The following SRGAP2C variants were observed in gnomAD, a reference collection of about 807,000 sequenced individuals.
The protein encoded by SRGAP2C is SLIT-ROBO Rho GTPase activating protein 2C.
In SRGAP2C, 15 loss-of-function variants were observed where a neutral mutation model predicts 25.1. The observed-to-expected ratio is 0.60, with a 90% CI of 0.40 to 0.92. The LOEUF (loss-of-function observed/expected upper bound fraction) is 0.92. Among genes scored for constraint, SRGAP2C ranks in the 40% least tolerant of loss-of-function variants. The pLI is 0.00. For synonymous variants in SRGAP2C, 44 were observed against 96.6 expected, an observed-to-expected ratio of 0.46 and a Z score of 3.19; for missense variants, 144 against 264.4, an observed-to-expected ratio of 0.54 and a Z score of 3.16.
intron 1 of SRGAP2C, among the ~76,000 whole-genome samples, chr1:121,186,597 C>T (rs1379811251): frequency 6.6e-6 from 1 of 151,704 alleles, no homozygotes; most frequent in Non-Finnish European, 1.5e-5. Flanking sequence ...CTGGCCGCTG[C>T]CCAGCGCTGG....
At chr1:121,266,379 C>T (rs1656780982) in intron 2 of SRGAP2C, among the ~76,000 whole-genome samples, 1 of 151,018 alleles carries the variant, frequency 6.6e-6, no homozygotes, top group African/African-American at 2.4e-5. Flanking sequence ...CCATCTTGGC[C>T]TAAGTGGTGG....
intron 4 of SRGAP2C, among the ~76,000 whole-genome samples, chr1:121,354,985 C>T (rs1483403448): frequency 5.3e-5 from 3 of 56,296 alleles, no homozygotes; most frequent in Non-Finnish European, 7.5e-5. Flanking sequence ...TGCAGTGAGC[C>T]GAGATGGCGC....
At chr1:121,222,750 A>G (rs1655561962) in intron 2 of SRGAP2C, among the ~76,000 whole-genome samples, 1 of 152,320 alleles carries the variant, frequency 6.6e-6, no homozygotes, top group East Asian at 1.9e-4. Flanking sequence ...CTACCATCAG[A>G]CGGGAGTGGC....
At chr1:121,186,383 C>T (rs1290778272) in intron 1 of SRGAP2C, among the ~76,000 whole-genome samples, 1 of 92,576 alleles carries the variant, frequency 1.1e-5, no homozygotes, top group Non-Finnish European at 2.3e-5. Flanking sequence ...GCAGATTTGC[C>T]CCCCCCACCC....
intron 2 of SRGAP2C, among the ~76,000 whole-genome samples, chr1:121,249,576 A>G: frequency 4.6e-5 from 1 of 21,514 alleles, no homozygotes; most frequent in African/African-American, 2.2e-4. Flanking sequence ...ATATATATAT[A>G]TATATTTTTT....
rs1246755408 is a variant in SRGAP2C at position 121,197,036 on chromosome 1, C to A, written c.67+9523C>A. The stretch of plus-strand genomic sequence containing the variant: ...GCTTACATTTTATACTGCCTTACAG[C>A]TGAACTGCCTCTAGTTTCCTTTCTT... On this transcript the variant is annotated intron_variant, in intron 2 of 9. Coordinates refer to ENST00000367123, the MANE Select transcript of SRGAP2C (RefSeq NM_001329984.2). Among the ~76,000 whole-genome samples, 7 of 147,988 alleles carry A rather than the reference C, an allele frequency of 4.7e-5. No individual in the cohort carries two copies. The South Asian group carries it at 1.1e-3, about 23-fold the overall frequency.
intron 2 of SRGAP2C, among the ~76,000 whole-genome samples, chr1:121,188,420 G>T (rs1446037961): frequency 7.3e-5 from 11 of 150,620 alleles, no homozygotes; most frequent in African/African-American, 2.7e-4. Flanking sequence ...CCATAGGAAG[G>T]GTTCCTGCCT....
chr1:121,375,719 C>G (rs1230760545), intron 7 of SRGAP2C, among the ~76,000 whole-genome samples: 1 of 151,208 alleles, frequency 6.6e-6, no homozygotes, highest in African/African-American at 2.4e-5. Context: ...AATGCCATCC[C>G]TTATATTTGT....
chr1:121,234,947 CTCTTTTCTTTTCT>C (rs1655910202), intron 2 of SRGAP2C, among the ~76,000 whole-genome samples: 2 of 151,766 alleles, frequency 1.3e-5, no homozygotes, highest in African/African-American at 2.4e-5. Context: ...AAATTCTTTT[CTCTTTTCTTTTCT>C]TCTTTTCTTT....
chr1:121,385,148 A>G (rs1357106750), intron 8 of SRGAP2C, among the ~76,000 whole-genome samples: 4 of 147,138 alleles, frequency 2.7e-5, no homozygotes, highest in South Asian at 4.5e-4. Context: ...GAAGTCGTTG[A>G]ACTAGGGCCA....
intron 2 of SRGAP2C, among the ~76,000 whole-genome samples, chr1:121,225,715 C>CTT (rs1214244086): frequency 2.7e-5 from 4 of 146,782 alleles, no homozygotes; most frequent in African/African-American, 2.5e-5. Flanking sequence ...TGTTTTAAAA[C>CTT]TTTTTTTTTT....
chr1:121,383,364 C>T (rs1345150546), intron 8 of SRGAP2C, among the ~76,000 whole-genome samples: 2 of 151,668 alleles, frequency 1.3e-5, no homozygotes, highest in African/African-American at 2.4e-5. Flanking sequence ...GGGGCCACAT[C>T]CTAGAGGCTT....
intron 4 of SRGAP2C, among the ~76,000 whole-genome samples, chr1:121,335,629 T>C (rs1420848874): frequency 1.3e-5 from 2 of 150,538 alleles, no homozygotes; most frequent in African/African-American, 4.9e-5. Flanking sequence ...GCTTGGCTAA[T>C]TTTTTTAGAG....
intron 3 of SRGAP2C, among the ~76,000 whole-genome samples, chr1:121,293,709 A>G (rs1657537155): frequency 6.7e-6 from 1 of 150,306 alleles, no homozygotes; most frequent in Non-Finnish European, 1.5e-5. Flanking sequence ...AGAATAGTTC[A>G]TTCTCTGCCC....
intron 4 of SRGAP2C, among the ~76,000 whole-genome samples, chr1:121,328,961 C>T (rs1257815172): frequency 7.6e-6 from 1 of 130,728 alleles, no homozygotes; most frequent in Non-Finnish European, 1.6e-5. Flanking sequence ...CCTGTAATCG[C>T]AGCGCTTTGG....
chr1:121,238,682 T>C (rs1181838079), intron 2 of SRGAP2C, among the ~76,000 whole-genome samples: 1 of 151,716 alleles, frequency 6.6e-6, no homozygotes, highest in Non-Finnish European at 1.5e-5. Flanking sequence ...AGTGTGATCA[T>C]AGCTCACTGT....
Position 121,324,535 on chromosome 1 carries a change from G to A in SRGAP2C, c.318G>A (p.Val106=). ...VNCWNLLLNQ[V]KWESRDHTTL... ...GCTGGAATCTCCTCTTAAACCAGGTGAAGTGGGAAAGCAGGGACCATACCA... is the reference window on the plus strand; with the variant it reads ...GCTGGAATCTCCTCTTAAACCAGGTAAAGTGGGAAAGCAGGGACCATACCA... Residue 106 remains valine (V), a synonymous_variant, in exon 4 of 10, where the codon GTG becomes GTA. Coordinates refer to ENST00000367123, the MANE Select transcript of SRGAP2C (RefSeq NM_001329984.2). 6.2e-7 allele frequency: 1 copy of A among 1,613,634 alleles called. No individual in the cohort carries two copies. The highest frequency in any genetic ancestry group is 1.3e-5 in the African/African-American group (1 of 75,024).
At chr1:121,305,829 C>T (rs1657815528) in intron 3 of SRGAP2C, among the ~76,000 whole-genome samples, 2 of 142,614 alleles carry the variant, frequency 1.4e-5, no homozygotes, top group African/African-American at 5.3e-5. Flanking sequence ...TTCCATTTCT[C>T]TTCACCGTCC....
At chr1:121,213,191 G>A (rs1166107370) in intron 2 of SRGAP2C, among the ~76,000 whole-genome samples, 12 of 148,744 alleles carry the variant, frequency 8.1e-5, no homozygotes, top group South Asian at 2.1e-4. Flanking sequence ...GATTACAAGC[G>A]TGTGTCACCA....
Sources: gnomAD v4.1 joint callset for allele counts (sites outside exome capture counted in the v4.1 genomes callset) on GRCh38, gnomAD v4.1.1 for gene constraint, MANE v1.5 for transcripts, NCBI Gene and HGNC (gene_info 2026-07-23, HGNC 2026-07-21) for gene names.